The following SORCS1 variants were observed in gnomAD, a reference collection of about 807,000 sequenced individuals.
The protein encoded by SORCS1 is VPS10 domain-containing receptor SorCS1.
Under a neutral mutation model 146.1 loss-of-function variants are expected in SORCS1, and 60 were observed. That is an observed-to-expected ratio of 0.41 (90% confidence interval 0.33 to 0.51). SORCS1 has a LOEUF of 0.51. Ranked by LOEUF, SORCS1 falls within the 20% of genes least tolerant of loss-of-function variation. SORCS1 has a pLI of 0.21. For synonymous variants in SORCS1, 637 were observed against 584.0 expected (o/e 1.09, Z -1.31); for missense variants, 1,352 against 1,487.6 (o/e 0.91, Z 1.50).
chr10:107,143,860 G>A (rs1968061530), intron 1 of SORCS1, among the ~76,000 whole-genome samples: 1 of 151,712 alleles, frequency 6.6e-6, no homozygotes, highest in African/African-American at 2.4e-5. Context: ...CAGGCTGCTG[G>A]TCTCAAGCAA....
intron 18 of SORCS1, among the ~76,000 whole-genome samples, chr10:106,649,204 G>T (rs1318714363): frequency 2.0e-5 from 3 of 152,148 alleles, no homozygotes; most frequent in Admixed American, 2.0e-4. Flanking sequence ...AGGTCTAATT[G>T]AGCTGGTTAA....
intron 2 of SORCS1, among the ~76,000 whole-genome samples, chr10:106,896,632 G>A (rs1353930647): frequency 6.6e-6 from 1 of 151,388 alleles, no homozygotes; most frequent in African/African-American, 2.4e-5. Flanking sequence ...GAATTAAGAT[G>A]GTTAATTTTA....
intron 1 of SORCS1, among the ~76,000 whole-genome samples, chr10:107,000,244 C>T (rs534460234): frequency 6.6e-6 from 1 of 152,272 alleles, no homozygotes; most frequent in South Asian, 2.1e-4. Context: ...CAAAGTGGTC[C>T]TGAGAACATG....
At chr10:106,807,088 A>C (rs551305492) in intron 3 of SORCS1, among the ~76,000 whole-genome samples, 1 of 152,298 alleles carries the variant, frequency 6.6e-6, no homozygotes, top group Admixed American at 6.5e-5. Context: ...CTTTCTCTTT[A>C]GATTACTTCT....
the SORCS1 span, among the ~76,000 whole-genome samples, chr10:107,181,020 T>A: frequency 1.3e-5 from 2 of 152,212 alleles, no homozygotes; most frequent in African/African-American, 4.8e-5. Context: ...GTAAAAATAC[T>A]GTATAAAATA....
At chr10:107,140,320 T>C (rs1590223061) in intron 1 of SORCS1, among the ~76,000 whole-genome samples, 1 of 152,240 alleles carries the variant, frequency 6.6e-6, no homozygotes, top group Admixed American at 6.5e-5. Flanking sequence ...TCTAGAAGTA[T>C]GCTATGTTAA....
chr10:107,049,274 TG>T (rs1292023743), intron 1 of SORCS1, among the ~76,000 whole-genome samples: 1 of 71,474 alleles, frequency 1.4e-5, no homozygotes, highest in East Asian at 5.2e-4. Flanking sequence ...TGTTGTGGGG[TG>T]GGGGGAGGGG....
intron 8 of SORCS1, among the ~76,000 whole-genome samples, chr10:106,701,443 T>C (rs995191535): frequency 1.3e-5 from 2 of 152,232 alleles, no homozygotes; most frequent in African/African-American, 4.8e-5. Flanking sequence ...GACATGTTTC[T>C]GGAATGACTG....
chr10:106,716,817 CAT>C (rs1175093821), intron 6 of SORCS1, among the ~76,000 whole-genome samples: 1 of 152,168 alleles, frequency 6.6e-6, no homozygotes, highest in Non-Finnish European at 1.5e-5. Flanking sequence ...AAGTGGATCA[CAT>C]GTTTTTTTCT....
intron 2 of SORCS1, among the ~76,000 whole-genome samples, chr10:106,943,421 C>T (rs1954151808): frequency 6.6e-6 from 1 of 152,104 alleles, no homozygotes; most frequent in African/African-American, 2.4e-5. Context: ...CACATCAGTC[C>T]TTCTGCCTGG....
chr10:106,579,745 T>C lies in SORCS1; in HGVS notation c.3266-271A>G, dbSNP rs1844792553. On this transcript the variant is annotated intron_variant, in intron 24 of 25. Coordinates refer to ENST00000263054, the MANE Select transcript of SORCS1 (RefSeq NM_052918.5). Reference sequence around the variant, plus strand: ...ATTCAGGTCCCACTCTAACTAGCTATGTGGTCTTGGGCAATTTGCTTCACC... The same window carrying C: ...ATTCAGGTCCCACTCTAACTAGCTACGTGGTCTTGGGCAATTTGCTTCACC... Among the ~76,000 whole-genome samples, 2 of 151,918 alleles carry C rather than the reference T, an allele frequency of 1.3e-5. 1 individual carries two copies. The highest frequency in any genetic ancestry group is 4.2e-4 in the South Asian group (2 of 4,808).
intron 1 of SORCS1, among the ~76,000 whole-genome samples, chr10:106,994,063 C>CAAAAAAAA (rs67408221): frequency 7.8e-4 from 63 of 80,720 alleles, no homozygotes; most frequent in East Asian, 1.8e-3. Context: ...GACCCCATCT[C>CAAAAAAAA]AAAAAAAAAA....
At chr10:106,876,907 G>A (rs1341592629) in intron 2 of SORCS1, among the ~76,000 whole-genome samples, 1 of 152,162 alleles carries the variant, frequency 6.6e-6, no homozygotes, top group Non-Finnish European at 1.5e-5. Flanking sequence ...TAACTGAAGA[G>A]GGGGCATTTT....
chr10:106,656,103 G>A (rs1010637469), intron 17 of SORCS1, among the ~76,000 whole-genome samples: 3 of 152,146 alleles, frequency 2.0e-5, no homozygotes, highest in Admixed American at 6.5e-5. Context: ...TGATATTACC[G>A]ATGGCTCACC....
At chr10:106,711,984 A>T (rs545205392) in intron 6 of SORCS1, among the ~76,000 whole-genome samples, 3 of 152,270 alleles carry the variant, frequency 2.0e-5, no homozygotes, top group Admixed American at 6.5e-5. Context: ...GGTGTGGTTT[A>T]TTTATTAGCT....
intron 2 of SORCS1, among the ~76,000 whole-genome samples, chr10:106,944,871 C>CTTGTTTTTTTTTTT (rs1564838013): frequency 1.6e-5 from 1 of 61,024 alleles, no homozygotes; most frequent in Non-Finnish European, 4.2e-5. Context: ...AAGAAAGAGC[C>CTTGTTTTTTTTTTT]TTCTTTTTTT....
At chr10:106,856,623 G>A (rs1193716668) in intron 2 of SORCS1, among the ~76,000 whole-genome samples, 1 of 152,174 alleles carries the variant, frequency 6.6e-6, no homozygotes, top group African/African-American at 2.4e-5. Flanking sequence ...CTGGAAGTAC[G>A]AAGGTAAGTT....
chr10:106,936,713 G>C (rs1953740419), intron 2 of SORCS1, among the ~76,000 whole-genome samples: 1 of 152,158 alleles, frequency 6.6e-6, no homozygotes, highest in Non-Finnish European at 1.5e-5. Flanking sequence ...CTGGCATAAA[G>C]CCCTGAGAAA....
At chr10:106,858,311 G>C (rs952580714) in intron 2 of SORCS1, among the ~76,000 whole-genome samples, 1 of 151,886 alleles carries the variant, frequency 6.6e-6, no homozygotes, top group South Asian at 2.1e-4. Context: ...ATACAGATCC[G>C]GTGAGATAAG....
Sources: allele counts gnomAD v4.1 joint callset (sites outside exome capture counted in the v4.1 genomes callset), GRCh38; gene constraint gnomAD v4.1.1; transcripts MANE v1.5; gene names NCBI Gene and HGNC (gene_info 2026-07-23, HGNC 2026-07-21).